The following ALDH1L2 variants were observed in gnomAD, a reference collection of about 807,000 sequenced individuals.
ALDH1L2 encodes aldehyde dehydrogenase 1 family member L2, also known as mitochondrial 10-formyltetrahydrofolate dehydrogenase.
A neutral mutation model predicts 111.0 loss-of-function variants in ALDH1L2; 91 were observed. The ratio of observed to expected loss-of-function variants is 0.82; its 90% CI spans 0.69 to 0.98. ALDH1L2 has a LOEUF of 0.98. Ranked by LOEUF, ALDH1L2 falls within the 50% of genes least tolerant of loss-of-function variation. The pLI is 0.00. For synonymous variants in ALDH1L2, 374 were observed against 392.6 expected, an observed-to-expected ratio of 0.95 and a Z score of 0.56; for missense variants, 995 against 1,126.8, an observed-to-expected ratio of 0.88 and a Z score of 1.67.
At chr12:105,045,200 C>T (rs1875768559) in intron 15 of ALDH1L2, among the ~76,000 whole-genome samples, 1 of 152,156 alleles carries the variant, frequency 6.6e-6, no homozygotes, top group East Asian at 1.9e-4. Context: ...TCTCCTGCCT[C>T]AGCCTCTGGA....
rs554933059 is a variant in ALDH1L2, at chr12:105,052,724, G to A, written c.1407+88C>T. On this transcript the variant is annotated intron_variant, in intron 11 of 22. Coordinates refer to ENST00000258494, the MANE Select transcript of ALDH1L2 (RefSeq NM_001034173.4). ...TTAGAGGCAGAGTGAGAGAATAAAA[G>A]GGCTTCTTAAGACTGCCTCTTTTAC... 31 of 1,513,124 alleles carry A rather than the reference G, an allele frequency of 2.0e-5. No individual in the cohort carries two copies. In the African/African-American group the frequency reaches 3.2e-4, roughly 16 times the overall value. The allele number at this position is 1,513,124 out of a possible 1,614,324, so 93.7% of individuals were successfully genotyped here.
chr12:105,034,207 C>CA, intron 19 of ALDH1L2, 93 bp downstream of exon 19: 1 of 1,237,742 alleles, frequency 8.1e-7, no homozygotes. Flanking sequence ...ACTGTTATCA[C>CA]ACCTGAAAAT....
intron 19 of ALDH1L2, among the ~76,000 whole-genome samples, chr12:105,034,084 T>G (rs181081694): frequency 3.9e-5 from 6 of 152,308 alleles, no homozygotes; most frequent in Admixed American, 2.0e-4. Context: ...TTTCCTGTCC[T>G]GCGGGGTTAT....
chr12:105,040,142 A>AC (rs1219380234), intron 16 of ALDH1L2, among the ~76,000 whole-genome samples: 16 of 151,348 alleles, frequency 1.1e-4, no homozygotes, highest in African/African-American at 3.9e-4. Flanking sequence ...AAAAAAAAAA[A>AC]AAAAAAAAAA....
chr12:105,074,937 GCAAA>G (rs920038606), intron 1 of ALDH1L2, among the ~76,000 whole-genome samples: 3 of 152,122 alleles, frequency 2.0e-5, no homozygotes, highest in South Asian at 2.1e-4. Flanking sequence ...ACAAATACTT[GCAAA>G]CAAACAGATT....
chr12:105,026,471 G>T, intron 22 of ALDH1L2, 74 bp downstream of exon 22: 2 of 1,552,250 alleles, frequency 1.3e-6, no homozygotes, highest in Non-Finnish European at 1.8e-6. Flanking sequence ...TCACACACAA[G>T]TCATGAAACA....
At chr12:105,052,701 A>T in intron 11 of ALDH1L2, 111 bp downstream of exon 11, 1 of 1,333,064 alleles carries the variant, frequency 7.5e-7, no homozygotes, top group Non-Finnish European at 1.0e-6. Context: ...TGAAGTACTT[A>T]GAGGCAGAGT....
In ALDH1L2 at chr12:105,065,461, T is replaced by C. The variant is rs928807207; in HGVS notation, c.697-105A>G. On this transcript the variant is annotated intron_variant, in intron 5 of 22. Transcript: ENST00000258494. ...GGCAGAAACACTTGTTATTGGGAAATAAAGGAATTTTTGCTTCTTAGTTTT... is the reference window on the plus strand; with the variant it reads ...GGCAGAAACACTTGTTATTGGGAAACAAAGGAATTTTTGCTTCTTAGTTTT... The C allele has an allele frequency of 3.4e-5, 31 of 911,612 alleles. No individual in the cohort carries two copies. The African/African-American group carries it at 4.0e-4, about 12-fold the overall frequency. 56.5% of individuals were successfully genotyped at this position (911,612 alleles called of 1,614,324 possible). A position where few individuals can be genotyped will look rare whatever the true frequency, so the allele number is the denominator to read the frequency against.
chr12:105,033,184 T>G (rs7297572), intron 19 of ALDH1L2, among the ~76,000 whole-genome samples: 34,481 of 152,142 alleles, frequency 0.23, 5,403 homozygotes, highest in East Asian at 0.5. Context: ...CTTGTTCACA[T>G]TTATATTCCC....
rs1869650311 is a variant in ALDH1L2 at position 105,065,268 on chromosome 12, T to C, written c.785A>G (p.Gln262Arg). 1.9e-6 allele frequency: 3 copies of C among 1,604,436 alleles called. No homozygotes were observed. Among genetic ancestry groups the C allele is most frequent in the South Asian group, 1.1e-5 (1 of 90,914 alleles). Residue 262 changes from glutamine (Q) to arginine (R), a missense_variant and splice_region_variant, in exon 6 of 23, where the codon CAG (glutamine) becomes CGG (arginine). By Grantham distance (43) the Gln-to-Arg change is conservative (BLOSUM62 1). Coordinates refer to ENST00000258494, the MANE Select transcript of ALDH1L2 (RefSeq NM_001034173.4). ...VPGAWTEING[Q>R]MVTFYGSTLL... ...GGGGGAGTGGTCCCTAAAACATACC[T>C]GTCCATTTATCTCTGTCCAAGCTCC...
At chr12:105,028,540 C>T (rs1223968261) in intron 21 of ALDH1L2, among the ~76,000 whole-genome samples, 1 of 152,208 alleles carries the variant, frequency 6.6e-6, no homozygotes, top group Non-Finnish European at 1.5e-5. Flanking sequence ...AAGGAATTTT[C>T]AAAGGCATCT....
rs948891914 is a variant in ALDH1L2 at position 105,023,095 on chromosome 12, T to G, written c.*1329A>C. 6.6e-6 allele frequency: 1 copy of G among 152,238 alleles called. No homozygotes were observed. 9.4% of individuals were successfully genotyped at this position (152,238 alleles called of 1,614,324 possible). ...TTAATAGTTTCCATTTCTTCAATGC[T>G]ATGGTCCAAACGCCTTGTTAAGTGC... is the stretch of plus-strand genomic sequence containing the variant. On this transcript the variant is annotated 3_prime_UTR_variant, in exon 23 of 23. Transcript: ENST00000258494.
At chr12:105,031,975 A>G in intron 19 of ALDH1L2, 41 bp from the exon 20 acceptor site, 1 of 1,597,434 alleles carries the variant, frequency 6.3e-7, no homozygotes, top group Non-Finnish European at 8.5e-7. Flanking sequence ...TTCACTGTTA[A>G]TAATAATGGA....
chr12:105,035,100 C>T (rs1874915636), intron 18 of ALDH1L2, among the ~76,000 whole-genome samples: 1 of 152,112 alleles, frequency 6.6e-6, no homozygotes, highest in South Asian at 2.1e-4. Flanking sequence ...AGGTGTGCAC[C>T]ACCTTACCCA....
chr12:105,080,685 C>T (rs908930307), intron 1 of ALDH1L2, among the ~76,000 whole-genome samples: 3 of 152,146 alleles, frequency 2.0e-5, no homozygotes, highest in Non-Finnish European at 4.4e-5. Context: ...GGAATGTTTG[C>T]ATTATACTTA....
rs1489091112 is a variant in ALDH1L2 at position 105,049,046 on chromosome 12, A to ATT, written c.1686+861_1686+862insAA. On this transcript the variant is annotated intron_variant, in intron 13 of 22. Transcript: ENST00000258494. ...CTCCATCTCAAAAGAAAGAAAAAAA[A>ATT]ATTTTTTTTTAATTTATTTCTCCTA... is the stretch of plus-strand genomic sequence containing the variant. Among the ~76,000 whole-genome samples the ATT allele has an allele frequency of 4.2e-5, 5 of 119,388 alleles. No individual in the cohort carries two copies. The East Asian group carries it at 7.9e-4, about 19-fold the overall frequency. 78.3% of individuals were successfully genotyped at this position (119,388 alleles called of 152,430 possible).
At position 105,038,141 on chromosome 12, in the gene ALDH1L2, T is replaced by G; in HGVS notation, c.2107A>C (p.Ile703Leu). ...LELGGKSPLI[I>L]FNDCELDKAV... ...TTGTCAAGTTCACAGTCATTAAATA[T>G]TATAAGTGGAGACTTGCCACCAAGC... Residue 703 changes from isoleucine (I) to leucine (L), a missense_variant, in exon 18 of 23, where the codon ATA becomes CTA. Physicochemically the swap from Ile to Leu is conservative, Grantham distance 5. Coordinates refer to ENST00000258494, the MANE Select transcript of ALDH1L2 (RefSeq NM_001034173.4). 1.2e-6 allele frequency: 2 copies of G among 1,613,758 alleles called. No individual in the cohort carries two copies. Among genetic ancestry groups the G allele is most frequent in the Non-Finnish European group, 8.5e-7 (1 of 1,179,804 alleles).
intron 10 of ALDH1L2, among the ~76,000 whole-genome samples, chr12:105,056,579 CTG>C (rs905191364): frequency 1.3e-4 from 19 of 151,416 alleles, no homozygotes; most frequent in Admixed American, 6.6e-5. Context: ...AATTATAAAA[CTG>C]TTGGTGGGCT....
At chr12:105,063,992 G>A (rs1158946410) in intron 6 of ALDH1L2, among the ~76,000 whole-genome samples, 1 of 140,160 alleles carries the variant, frequency 7.1e-6, no homozygotes, top group Admixed American at 7.5e-5. Context: ...TTGAGACAGA[G>A]TCTTGCTCTG....
Sources: allele counts gnomAD v4.1 joint callset (sites outside exome capture counted in the v4.1 genomes callset), GRCh38; gene constraint gnomAD v4.1.1; transcripts MANE v1.5; gene names NCBI Gene and HGNC (gene_info 2026-07-23, HGNC 2026-07-21).